CAMK1D: variants seen among roughly 807,000 people sequenced by gnomAD.
CAMK1D encodes the protein calcium/calmodulin dependent protein kinase ID.
A neutral mutation model predicts 47.7 loss-of-function variants in CAMK1D; 9 were observed. The observed-to-expected ratio is 0.19, with a 90% CI of 0.11 to 0.33. The LOEUF (loss-of-function observed/expected upper bound fraction) is 0.33. Among genes scored for constraint, CAMK1D ranks in the 10% least tolerant of loss-of-function variants. CAMK1D has a pLI of 1.00. For missense variants in CAMK1D, 291 were observed against 488.7 expected (o/e 0.60, Z 3.81); for synonymous variants, 184 against 184.9 (o/e 0.99, Z 0.04).
chr10:12,595,342 G>GGAAAAAAA (rs1554794318), intron 2 of CAMK1D, among the ~76,000 whole-genome samples: 2 of 23,554 alleles, frequency 8.5e-5, no homozygotes, highest in African/African-American at 1.8e-4. Context: ...AACTCCATCT[G>GGAAAAAAA]AAAAAAAAAA....
chr10:12,407,222 C>T (rs938184462), intron 1 of CAMK1D, among the ~76,000 whole-genome samples: 2 of 152,246 alleles, frequency 1.3e-5, no homozygotes, highest in Non-Finnish European at 2.9e-5. Context: ...GAACCCAGGG[C>T]AGGAGGCCTG....
chr10:12,497,404 G>C (rs1834573624), intron 1 of CAMK1D, among the ~76,000 whole-genome samples: 1 of 151,094 alleles, frequency 6.6e-6, no homozygotes, highest in Admixed American at 6.6e-5. Flanking sequence ...TTGAACCTGG[G>C]AGGAGGAAGT....
At chr10:12,684,151 C>G (rs1010217235) in intron 3 of CAMK1D, among the ~76,000 whole-genome samples, 2 of 152,180 alleles carry the variant, frequency 1.3e-5, no homozygotes, top group Non-Finnish European at 2.9e-5. Context: ...TAAGACAAGT[C>G]AGAGAGGCCT....
intron 3 of CAMK1D, among the ~76,000 whole-genome samples, chr10:12,728,082 A>T (rs1834737136): frequency 6.6e-6 from 1 of 152,176 alleles, no homozygotes. Context: ...ACAGCCGTTT[A>T]TCCTGACAAA....
intron 2 of CAMK1D, among the ~76,000 whole-genome samples, chr10:12,650,486 A>T (rs971642321): frequency 6.6e-6 from 1 of 152,176 alleles, no homozygotes; most frequent in South Asian, 2.1e-4. Context: ...CCTGCTGCCT[A>T]GCCTCATGCC....
intron 1 of CAMK1D, among the ~76,000 whole-genome samples, chr10:12,552,291 C>T (rs1564407141): frequency 6.6e-6 from 1 of 152,210 alleles, no homozygotes; most frequent in Non-Finnish European, 1.5e-5. Context: ...CTTCCCCACT[C>T]CATAGCCCTT....
At chr10:12,729,831 C>T (rs112843502) in intron 3 of CAMK1D, among the ~76,000 whole-genome samples, 7,318 of 152,038 alleles carry the variant, frequency 0.048, 483 homozygotes, top group African/African-American at 0.15. Context: ...TGCGAGGGTG[C>T]CTGGTGTGGC....
intron 3 of CAMK1D, among the ~76,000 whole-genome samples, chr10:12,754,404 C>T (rs1836135255): frequency 6.6e-6 from 1 of 152,172 alleles, no homozygotes; most frequent in South Asian, 2.1e-4. Context: ...TATTGTCTGG[C>T]TCCATACAGG....
At chr10:12,802,118 A>G (rs568721319) in intron 6 of CAMK1D, among the ~76,000 whole-genome samples, 64 of 152,344 alleles carry the variant, frequency 4.2e-4, no homozygotes, top group Non-Finnish European at 7.8e-4. Context: ...TGCTATGTTC[A>G]AATATTTTTT....
At chr10:12,738,243 G>A (rs1448630137) in intron 3 of CAMK1D, among the ~76,000 whole-genome samples, 7 of 152,196 alleles carry the variant, frequency 4.6e-5, no homozygotes, top group African/African-American at 1.7e-4. Context: ...GAGCTCATAA[G>A]AATTTCTGTC....
chr10:12,509,722 GTC>G (rs1345422297), intron 1 of CAMK1D, among the ~76,000 whole-genome samples: 3 of 152,222 alleles, frequency 2.0e-5, no homozygotes, highest in Admixed American at 6.5e-5. Flanking sequence ...CTGCACTCCA[GTC>G]TAGGTGACAG....
At chr10:12,438,815 C>T (rs1322346619) in intron 1 of CAMK1D, among the ~76,000 whole-genome samples, 2 of 152,238 alleles carry the variant, frequency 1.3e-5, no homozygotes, top group East Asian at 1.9e-4. Flanking sequence ...CTCCATTCTA[C>T]CACAGAGTTA....
At chr10:12,585,863 A>G (rs1027990971) in intron 2 of CAMK1D, among the ~76,000 whole-genome samples, 2 of 152,186 alleles carry the variant, frequency 1.3e-5, no homozygotes, top group Non-Finnish European at 2.9e-5. Context: ...CGGACACTCC[A>G]TGGAGGCTTC....
intron 3 of CAMK1D, among the ~76,000 whole-genome samples, chr10:12,753,998 C>A (rs1482850913): frequency 3.9e-5 from 6 of 152,178 alleles, no homozygotes; most frequent in African/African-American, 1.4e-4. Context: ...TCAAGCGATT[C>A]TCCTGCCTCA....
At chr10:12,749,842 G>A (rs1273226382) in intron 3 of CAMK1D, among the ~76,000 whole-genome samples, 4 of 79,364 alleles carry the variant, frequency 5.0e-5, no homozygotes, top group African/African-American at 1.9e-4. Flanking sequence ...CGCCTGCTTC[G>A]TTCGGCCTCC....
intron 3 of CAMK1D, among the ~76,000 whole-genome samples, chr10:12,731,273 T>A (rs1371497186): frequency 6.6e-6 from 1 of 152,102 alleles, no homozygotes; most frequent in East Asian, 1.9e-4. Flanking sequence ...GGAGAGAATG[T>A]GGAGTAACTT....
intron 1 of CAMK1D, among the ~76,000 whole-genome samples, chr10:12,453,177 C>G (rs1233296391): frequency 1.4e-5 from 2 of 143,222 alleles, no homozygotes; most frequent in Non-Finnish European, 3.0e-5. Flanking sequence ...TCAGACTTTT[C>G]TTCTTTTTCT....
chr10:12,821,468 C>T (rs1324559671), intron 8 of CAMK1D, among the ~76,000 whole-genome samples: 1 of 152,072 alleles, frequency 6.6e-6, no homozygotes, highest in Admixed American at 6.6e-5. Flanking sequence ...AGTGCTGTCC[C>T]GGGTACACAC....
At chr10:12,475,056 G>A (rs1833862157) in intron 1 of CAMK1D, among the ~76,000 whole-genome samples, 1 of 152,158 alleles carries the variant, frequency 6.6e-6, no homozygotes. Flanking sequence ...GTGCTGCAGT[G>A]AACGTAGCAT....
Sources: allele counts gnomAD v4.1 joint callset (sites outside exome capture counted in the v4.1 genomes callset), GRCh38; gene constraint gnomAD v4.1.1; transcripts MANE v1.5; gene names NCBI Gene and HGNC (gene_info 2026-07-23, HGNC 2026-07-21).